Variants in TAF1B observed in about 807,000 individuals in gnomAD.
TAF1B encodes TATA box-binding protein-associated factor RNA polymerase I subunit B.
TAF1B carries 61 observed loss-of-function variants against 83.9 expected under a neutral mutation model. That is an observed-to-expected ratio of 0.73 (90% CI 0.59 to 0.90). TAF1B has a LOEUF of 0.90. Ranked by LOEUF, TAF1B falls within the 40% of genes least tolerant of loss-of-function variation. The probability of loss-of-function intolerance (pLI) is 0.00; values close to 1 mark genes in which losing one functional copy is unlikely to be tolerated. For synonymous variants in TAF1B, 221 were observed against 224.6 expected (o/e 0.98, Z 0.14); for missense variants, 625 against 677.0 (o/e 0.92, Z 0.85).
At chr2:9,859,337 C>T (rs769150447) in intron 5 of TAF1B, among the ~76,000 whole-genome samples, 102 of 151,932 alleles carry the variant, frequency 6.7e-4, no homozygotes, top group Non-Finnish European at 1.3e-3. Context: ...TCCTCATCTC[C>T]ATCTGAAACC....
intron 1 of TAF1B, among the ~76,000 whole-genome samples, chr2:9,844,893 T>G (rs1316602771): frequency 6.6e-6 from 1 of 152,214 alleles, no homozygotes; most frequent in Non-Finnish European, 1.5e-5. Flanking sequence ...TTTTTAAAAG[T>G]CTTCTCTATA....
chr2:9,902,675 A>T (rs1665216695), intron 8 of TAF1B, among the ~76,000 whole-genome samples: 1 of 152,190 alleles, frequency 6.6e-6, no homozygotes, highest in African/African-American at 2.4e-5. Flanking sequence ...TCCAGCTTAG[A>T]GTTTTCACAA....
chr2:9,911,023 A>T lies in TAF1B; in HGVS notation c.1133+110A>T, dbSNP rs970429119. 14 of 1,022,276 alleles carry T rather than the reference A, an allele frequency of 1.4e-5. No individual in the cohort carries two copies. The Admixed American group carries it at 2.1e-4, about 15-fold the overall frequency. 63.3% of individuals were successfully genotyped at this position (1,022,276 alleles called of 1,614,324 possible). A position where few individuals can be genotyped will look rare whatever the true frequency, so the allele number is the denominator to read the frequency against. On this transcript the variant is annotated intron_variant, in intron 10 of 14. Coordinates refer to ENST00000263663, the MANE Select transcript of TAF1B (RefSeq NM_005680.3). ...ACTTTAAAAAAAGAGCTAAAGAAAA[A>T]ATTTGTACTGTATTTACCTAATTAT...
chr2:9,911,006 A>T, intron 10 of TAF1B, 93 bp downstream of exon 10: 1 of 1,219,146 alleles, frequency 8.2e-7, no homozygotes, highest in Non-Finnish European at 1.1e-6. Context: ...ACACTTTAAA[A>T]AAAGAGCTAA....
At position 9,919,042 on chromosome 2, in the gene TAF1B, T is replaced by C. The variant is rs1665786607; in HGVS notation, c.1273T>C (p.Tyr425His). Residue 425 changes from tyrosine to histidine, a missense_variant and splice_region_variant, in exon 13 of 15, where the codon TAC becomes CAC. Tyr to His is a moderately conservative substitution (Grantham distance 83). Transcript: ENST00000263663. The stretch of plus-strand genomic sequence containing the variant: ...CAGCTGTTTCTTTACCTTGTACAGG[T>C]ACCTGTGGAAAAGTGAAAAGCCACT... The part of the protein sequence containing the change: ...KQKWEEARAK[Y>H]LWKSEKPLYY... The C allele has an allele frequency of 6.2e-7, 1 of 1,613,956 alleles. No individual in the cohort carries two copies. Among genetic ancestry groups the C allele is most frequent in the African/African-American group, 1.3e-5 (1 of 74,926 alleles).
intron 7 of TAF1B, among the ~76,000 whole-genome samples, chr2:9,881,332 T>C (rs996927871): frequency 6.6e-6 from 1 of 151,490 alleles, no homozygotes; most frequent in Non-Finnish European, 1.5e-5. Context: ...TGAGACTCTG[T>C]CTTAAAAAAA....
intron 12 of TAF1B, 113 bp downstream of exon 12, chr2:9,913,362 T>C: frequency 5.2e-6 from 4 of 774,662 alleles, no homozygotes; most frequent in Non-Finnish European, 8.4e-6. Context: ...GACTTTTTTT[T>C]CTGGAAATAT....
chr2:9,925,365 G>A (rs188181950), intron 14 of TAF1B, among the ~76,000 whole-genome samples: 7,368 of 151,960 alleles, frequency 0.048, 231 homozygotes, highest in Non-Finnish European at 0.073. Flanking sequence ...GCATGAACCC[G>A]GGAGGCGGAG....
intron 8 of TAF1B, among the ~76,000 whole-genome samples, chr2:9,904,045 C>A (rs1015812853): frequency 7.2e-5 from 11 of 152,248 alleles, no homozygotes; most frequent in African/African-American, 2.4e-4. Flanking sequence ...TTTATCTGTT[C>A]CTTTTTCTTT....
In TAF1B at chr2:9,910,832, C is replaced by G. The variant is rs778463477; in HGVS notation, c.1052C>G (p.Thr351Ser). The G allele has an allele frequency of 1.9e-6, 3 of 1,613,340 alleles. No homozygotes were observed. The highest frequency in any genetic ancestry group is 2.5e-6 in the Non-Finnish European group (3 of 1,179,678). ...TFDPIAKMAK[T>S]VKYDVQAVAI... ...GATCCTATAGCTAAAATGGCAAAAACTGTTAAGTACGATGTACAAGCTGTA... is the reference window on the plus strand; with the variant it reads ...GATCCTATAGCTAAAATGGCAAAAAGTGTTAAGTACGATGTACAAGCTGTA... The change falls in exon 10 of 15, where the codon ACT (threonine) becomes AGT (serine). Residue 351 changes from threonine (T) to serine (S), a missense_variant. Thr to Ser is a moderately conservative substitution (Grantham distance 58). Coordinates refer to ENST00000263663, the MANE Select transcript of TAF1B (RefSeq NM_005680.3).
At chr2:9,911,041 C>A in intron 10 of TAF1B, 128 bp downstream of exon 10, 1 of 749,202 alleles carries the variant, frequency 1.3e-6, no homozygotes, top group Non-Finnish European at 2.1e-6. Flanking sequence ...CTGTATTTAC[C>A]TAATTATATG....
rs751991801 is a variant in TAF1B at position 9,851,580 on chromosome 2, A to G, written c.245A>G (p.Tyr82Cys). ...WDWYVCEGFQ[Y>C]ILYQQAEALK... ...TGGTATGTGTGTGAAGGTTTCCAGT[A>G]TATTCTTTATCAACAAGCAGAAGCC... The change falls in exon 4 of 15, where the codon TAT (tyrosine) becomes TGT (cysteine). Residue 82 changes from tyrosine to cysteine, a missense_variant. By Grantham distance (194) the Tyr-to-Cys change is radical. Coordinates refer to ENST00000263663, the MANE Select transcript of TAF1B (RefSeq NM_005680.3). The G allele has an allele frequency of 1.2e-6, 2 of 1,612,730 alleles. No homozygotes were observed. Among genetic ancestry groups the G allele is most frequent in the African/African-American group, 2.7e-5 (2 of 74,864 alleles).
chr2:9,932,117 C>T (rs1319695928), intron 14 of TAF1B, among the ~76,000 whole-genome samples: 1 of 152,170 alleles, frequency 6.6e-6, no homozygotes, highest in Non-Finnish European at 1.5e-5. Flanking sequence ...TGAACATCTG[C>T]CTTTAGCTCA....
Position 9,856,645 on chromosome 2 carries a change from T to C in TAF1B, c.399+2224T>C, listed in dbSNP as rs184555447. Among the ~76,000 whole-genome samples the C allele has an allele frequency of 9.8e-5, 15 of 152,328 alleles. No homozygotes were observed. The East Asian group carries it at 2.7e-3, about 27-fold the overall frequency. On this transcript the variant is annotated intron_variant, in intron 5 of 14. Coordinates refer to ENST00000263663, the MANE Select transcript of TAF1B (RefSeq NM_005680.3). Reference sequence around the variant, plus strand: ...GAGTTTGCCTAACACATAGAAAATATGCATCAGAACCTGGGATTCTCTGAC... The same window carrying C: ...GAGTTTGCCTAACACATAGAAAATACGCATCAGAACCTGGGATTCTCTGAC...
In TAF1B at chr2:9,875,879, T is replaced by C. The variant is rs766038116; in HGVS notation, c.568T>C (p.Ser190Pro). Residue 190 changes from serine to proline, a missense_variant, in exon 7 of 15, where the codon TCT (serine) becomes CCT (proline). Ser to Pro is a moderately conservative substitution (Grantham distance 74, BLOSUM62 -1). Coordinates refer to ENST00000263663, the MANE Select transcript of TAF1B (RefSeq NM_005680.3). ...TATCTCCTAAGAAACGTCTGTCTGCTCTGGATCTCTGGATGGAGTTGAATA... is the reference window on the plus strand; with the variant it reads ...TATCTCCTAAGAAACGTCTGTCTGCCCTGGATCTCTGGATGGAGTTGAATA... ...KASQSETSVC[S>P]GSLDGVEYSQ... 6.2e-7 allele frequency: 1 copy of C among 1,602,918 alleles called. No homozygotes were observed. Among genetic ancestry groups the C allele is most frequent in the Admixed American group, 1.7e-5 (1 of 59,790 alleles).
At chr2:9,884,555 A>G (rs1261607748) in intron 8 of TAF1B, among the ~76,000 whole-genome samples, 2 of 152,222 alleles carry the variant, frequency 1.3e-5, no homozygotes, top group African/African-American at 4.8e-5. Flanking sequence ...TTCTGCAGCC[A>G]GGGTATCCTG....
At chr2:9,873,620 ATTTTT>A (rs540990898) in intron 6 of TAF1B, among the ~76,000 whole-genome samples, 1 of 117,602 alleles carries the variant, frequency 8.5e-6, no homozygotes. Flanking sequence ...ATCAAACTGG[ATTTTT>A]TTTTTTTTTT....
intron 6 of TAF1B, among the ~76,000 whole-genome samples, chr2:9,874,637 AAG>A (rs1664266632): frequency 6.6e-6 from 1 of 152,140 alleles, no homozygotes; most frequent in African/African-American, 2.4e-5. Context: ...TATAAGTTCT[AAG>A]AGAGATGAGA....
At chr2:9,921,947 G>C (rs1665892917) in intron 14 of TAF1B, among the ~76,000 whole-genome samples, 1 of 152,148 alleles carries the variant, frequency 6.6e-6, no homozygotes. Context: ...AAAATAAAAA[G>C]ACTAGACTAA....
Sources: allele counts gnomAD v4.1 joint callset (sites outside exome capture counted in the v4.1 genomes callset), GRCh38; gene constraint gnomAD v4.1.1; transcripts MANE v1.5; gene names NCBI Gene and HGNC (gene_info 2026-07-23, HGNC 2026-07-21).